KCNQ1: variants seen among roughly 807,000 people sequenced by gnomAD.
KCNQ1 encodes the protein potassium voltage-gated channel subfamily Q member 1, also known as potassium voltage-gated channel subfamily KQT member 1.
A neutral mutation model predicts 72.4 loss-of-function variants in KCNQ1; 49 were observed. The ratio of observed to expected loss-of-function variants is 0.68; its 90% CI spans 0.54 to 0.86. The LOEUF (loss-of-function observed/expected upper bound fraction) is 0.86. KCNQ1 is among the 40% of genes least tolerant of loss of function. The pLI is 0.00. For missense variants in KCNQ1, 790 were observed against 945.1 expected (o/e 0.84, Z 2.15); for synonymous variants, 450 against 412.6 (o/e 1.09, Z -1.10).
rs566758448 is a variant in KCNQ1, at chr11:2,486,853, G to T, written c.387-41075G>T. Among the ~76,000 whole-genome samples, 4 of 152,240 alleles carry T rather than the reference G, an allele frequency of 2.6e-5. No homozygotes were observed. In the East Asian group the frequency reaches 7.7e-4, roughly 29 times the overall value. ...CCTATGACCCAAACAGCACCCACCA[G>T]GCCCCACCTCCAACGCTGGGGATCA... On this transcript the variant is annotated intron_variant, in intron 1 of 15. Coordinates refer to ENST00000155840, the MANE Select transcript of KCNQ1 (RefSeq NM_000218.3). The surrounding 1 kb of genome is among the most constrained non-coding windows in gnomAD (Gnocchi z 5.0).
intron 10 of KCNQ1, among the ~76,000 whole-genome samples, chr11:2,596,664 A>C (rs1429061296): frequency 1.3e-5 from 2 of 152,060 alleles, no homozygotes; most frequent in Non-Finnish European, 2.9e-5. Flanking sequence ...AGTGACAAAC[A>C]AGTCAGTGGT....
intron 15 of KCNQ1, among the ~76,000 whole-genome samples, chr11:2,797,843 C>T (rs979061167): frequency 9.2e-5 from 14 of 152,144 alleles, no homozygotes; most frequent in Admixed American, 2.6e-4. Flanking sequence ...TGAAGCCAGC[C>T]GGTTCCCCCA....
intron 11 of KCNQ1, chr11:2,686,307 T>C: frequency 2.5e-6 from 1 of 398,666 alleles, no homozygotes; most frequent in Non-Finnish European, 4.4e-6. Flanking sequence ...CAGACCACAC[T>C]AGTGTCACCT....
At position 2,654,588 on chromosome 11, in the gene KCNQ1, AG is replaced by A. The variant is rs919614593; in HGVS notation, c.1394-7368del. 4 of 398,580 alleles carry A rather than the reference AG, an allele frequency of 1.0e-5. No homozygotes were observed. Among genetic ancestry groups the A allele is most frequent in the African/African-American group, 4.1e-5 (2 of 48,580 alleles). The allele number at this position is 398,580 out of a possible 1,614,324, so 24.7% of individuals were successfully genotyped here. On this transcript the variant is annotated intron_variant, in intron 10 of 15. Transcript: ENST00000155840. The surrounding 1 kb of genome is among the most constrained non-coding windows in gnomAD (Gnocchi z 6.4). ...TTTAATCAATCAGGAGGGGAAGGGC[AG>A]GGGGTGAGTGGTTGGGTGAAGTTAC...
At position 2,547,218 on chromosome 11, in the gene KCNQ1, G is replaced by A. The variant is rs2133687525; in HGVS notation, c.477+19200G>A. 6.6e-6 allele frequency among the ~76,000 whole-genome samples: 1 copy of A among 152,192 alleles called. No homozygotes were observed. Among genetic ancestry groups the A allele is most frequent in the South Asian group, 2.1e-4 (1 of 4,816 alleles). On this transcript the variant is annotated intron_variant, in intron 2 of 15. Transcript: ENST00000155840. This position sits in a 1 kb window ranked among gnomAD's most constrained non-coding sequence, Gnocchi z 4.2. The stretch of plus-strand genomic sequence containing the variant: ...TCTTTTAAAAACATTTGGGTAATTA[G>A]GAGGTTGTATTATTTATTTATTTAT...
In KCNQ1 at chr11:2,547,443, AGGCT is replaced by A. The variant is rs1847914852; in HGVS notation, c.477+19428_477+19431del. Among the ~76,000 whole-genome samples, 2 of 152,208 alleles carry A rather than the reference AGGCT, an allele frequency of 1.3e-5. No individual in the cohort carries two copies. Among genetic ancestry groups the A allele is most frequent in the South Asian group, 4.2e-4 (2 of 4,818 alleles). The stretch of plus-strand genomic sequence containing the variant: ...GAGACGGCGTTTCACCATTTTGGCC[AGGCT>A]GGTCTTGAACTCCTGACCTCAAGTC... On this transcript the variant is annotated intron_variant, in intron 2 of 15. Coordinates refer to ENST00000155840, the MANE Select transcript of KCNQ1 (RefSeq NM_000218.3). The surrounding 1 kb of genome is among the most constrained non-coding windows in gnomAD (Gnocchi z 4.2).
chr11:2,445,608 G>C (rs1846026348), intron 1 of KCNQ1, 124 bp downstream of exon 1: 4 of 1,143,214 alleles, frequency 3.5e-6, no homozygotes, highest in Non-Finnish European at 5.1e-6. Context: ...AGGGAAGGAA[G>C]TGGGGAAACG....
At chr11:2,469,010 A>G (rs919918898) in intron 1 of KCNQ1, among the ~76,000 whole-genome samples, 1 of 152,174 alleles carries the variant, frequency 6.6e-6, no homozygotes, top group African/African-American at 2.4e-5. Flanking sequence ...TAAAGCAGCA[A>G]TCCCCTTTTG....
chr11:2,584,746 C>T lies in KCNQ1; in HGVS notation c.1033-466C>T, dbSNP rs575392575. ...TGTGTGTGTGTGCATCACACATGCA[C>T]GTGCACCACGTGATCTCCTCTGTAG... On this transcript the variant is annotated intron_variant, in intron 7 of 15. Transcript: ENST00000155840. Among the ~76,000 whole-genome samples, 4 of 152,172 alleles carry T rather than the reference C, an allele frequency of 2.6e-5. No individual in the cohort carries two copies. In the South Asian group the frequency reaches 8.3e-4, roughly 32 times the overall value.
chr11:2,581,131 G>A (rs1339085601), intron 6 of KCNQ1, among the ~76,000 whole-genome samples: 1 of 152,228 alleles, frequency 6.6e-6, no homozygotes, highest in Non-Finnish European at 1.5e-5. Flanking sequence ...CCAGGTTGCA[G>A]GGGCCCTCCG....
rs34219164 is a variant in KCNQ1, at chr11:2,674,832, TAAAAAAAAAAAAA to T, written c.1514+12767_1514+12779del. Reference sequence around the variant, plus strand: ...GCTTGTCACCCTAATAGCTGTTTTTTAAAAAAAAAAAAAAAAAAAAAAAAAAAAGCTCACTGGG... The same window carrying T: ...GCTTGTCACCCTAATAGCTGTTTTTTAAAAAAAAAAAAAAAGCTCACTGGG... On this transcript the variant is annotated intron_variant, in intron 11 of 15. Coordinates refer to ENST00000155840, the MANE Select transcript of KCNQ1 (RefSeq NM_000218.3). This position sits in a 1 kb window ranked among gnomAD's most constrained non-coding sequence, Gnocchi z 5.9. 3.0e-5 allele frequency: 9 copies of T among 303,866 alleles called. No homozygotes were observed. Among genetic ancestry groups the T allele is most frequent in the Admixed American group, 7.6e-5 (1 of 13,240 alleles). The allele number at this position is 303,866 out of a possible 1,614,324, so 18.8% of individuals were successfully genotyped here.
At chr11:2,532,353 C>T (rs759595505) in intron 2 of KCNQ1, among the ~76,000 whole-genome samples, 4 of 152,226 alleles carry the variant, frequency 2.6e-5, no homozygotes, top group South Asian at 4.1e-4. Context: ...TATGTGCTCC[C>T]GGCTTCAGCT....
rs1047248024 is a variant in KCNQ1, at chr11:2,723,737, C to T, written c.1515-45107C>T. Among the ~76,000 whole-genome samples, 1 of 152,210 alleles carries T rather than the reference C, an allele frequency of 6.6e-6. No homozygotes were observed. The highest frequency in any genetic ancestry group is 2.4e-5 in the African/African-American group (1 of 41,446). On this transcript the variant is annotated intron_variant, in intron 11 of 15. Coordinates refer to ENST00000155840, the MANE Select transcript of KCNQ1 (RefSeq NM_000218.3). The surrounding 1 kb of genome is among the most constrained non-coding windows in gnomAD (Gnocchi z 4.2). ...AGAAGACCCTTGGCAGACAGCCTCT[C>T]CTCTACTAGCTAGTGGGGCCTCACT...
chr11:2,588,076 G>A lies in KCNQ1; in HGVS notation c.1251+384G>A, dbSNP rs1313740251. ...GTGGGTGGTGGGAGGGGAGCAGCAG[G>A]GGAGGGAGGTGAGGCAGGGGTGCAG... On this transcript the variant is annotated intron_variant, in intron 9 of 15. Coordinates refer to ENST00000155840, the MANE Select transcript of KCNQ1 (RefSeq NM_000218.3). The surrounding 1 kb of genome is among the most constrained non-coding windows in gnomAD (Gnocchi z 5.6). 6.6e-6 allele frequency among the ~76,000 whole-genome samples: 1 copy of A among 152,142 alleles called. No individual in the cohort carries two copies. Among genetic ancestry groups the A allele is most frequent in the Non-Finnish European group, 1.5e-5 (1 of 68,008 alleles).
Position 2,445,171 on chromosome 11 carries a change from C to A in KCNQ1, c.73C>A (p.Arg25=). The change falls in exon 1 of 16, where the codon CGG becomes AGG. Residue 25 remains arginine (R), a synonymous_variant. Coordinates refer to ENST00000155840, the MANE Select transcript of KCNQ1 (RefSeq NM_000218.3). ...TTGGGGCCGCCTGCCAGGCGCCCGGCGGGGCAGCGCGGGCCTGGCCAAGAA... is the reference window on the plus strand; with the variant it reads ...TTGGGGCCGCCTGCCAGGCGCCCGGAGGGGCAGCGCGGGCCTGGCCAAGAA... ...WGWGRLPGAR[R]GSAGLAKKCP... 4 of 1,132,394 alleles carry A rather than the reference C, an allele frequency of 3.5e-6. No homozygotes were observed. Among genetic ancestry groups the A allele is most frequent in the Non-Finnish European group, 4.3e-6 (4 of 921,456 alleles). 70.1% of individuals were successfully genotyped at this position (1,132,394 alleles called of 1,614,324 possible). A position where few individuals can be genotyped will look rare whatever the true frequency, so the allele number is the denominator to read the frequency against.
At chr11:2,619,002 A>G in intron 10 of KCNQ1, 1 of 398,382 alleles carries the variant, frequency 2.5e-6, no homozygotes, top group Non-Finnish European at 4.4e-6. Context: ...TAGAAATGCA[A>G]CTACTGTTTT....
intron 11 of KCNQ1, chr11:2,675,558 A>G (rs1025089965): frequency 2.5e-6 from 1 of 398,574 alleles, no homozygotes; most frequent in African/African-American, 2.1e-5. Flanking sequence ...TTCTGTAATA[A>G]GACATACGTA....
rs575192146 is a variant in KCNQ1 at position 2,601,351 on chromosome 11, A to T, written c.1393+12497A>T. The stretch of plus-strand genomic sequence containing the variant: ...ATTTATTCAGATCTTTTGCCCGTTT[A>T]AAAAAATGAGACTTTCAAGCTTTTT... On this transcript the variant is annotated intron_variant, in intron 10 of 15. Transcript: ENST00000155840. The surrounding 1 kb of genome is among the most constrained non-coding windows in gnomAD (Gnocchi z 5.2). Among the ~76,000 whole-genome samples, 56 of 152,294 alleles carry T rather than the reference A, an allele frequency of 3.7e-4. No individual in the cohort carries two copies. The highest frequency in any genetic ancestry group is 1.2e-3 in the African/African-American group (49 of 41,554).
intron 11 of KCNQ1, among the ~76,000 whole-genome samples, chr11:2,733,857 C>CGCTCGCTCTTTCTCTCT (rs147278439): frequency 3.9e-5 from 3 of 76,322 alleles, no homozygotes; most frequent in Non-Finnish European, 7.6e-5. Flanking sequence ...CTCTCTCTCT[C>CGCTCGCTCTTTCTCTCT]CCCCCCCACT....
Sources: gnomAD v4.1 joint callset for allele counts (sites outside exome capture counted in the v4.1 genomes callset) on GRCh38, gnomAD v4.1.1 for gene constraint, Gnocchi (gnomAD v3.1) non-coding constraint, MANE v1.5 for transcripts, NCBI Gene and HGNC (gene_info 2026-07-23, HGNC 2026-07-21) for gene names.